Variants in ASIC2 observed in about 807,000 individuals in gnomAD.
The protein encoded by ASIC2 is acid-sensing ion channel 2.
A neutral mutation model predicts 57.3 loss-of-function variants in ASIC2; 25 were observed. The ratio of observed to expected loss-of-function variants is 0.44; its 90% CI spans 0.32 to 0.61. ASIC2 has a LOEUF of 0.61. Among genes scored for constraint, ASIC2 ranks in the 20% least tolerant of loss-of-function variants. The probability of loss-of-function intolerance (pLI) is 0.06; values close to 1 mark genes in which losing one functional copy is unlikely to be tolerated. For missense variants in ASIC2, 641 were observed against 738.1 expected (o/e 0.87, Z 1.52); for synonymous variants, 319 against 307.5 (o/e 1.04, Z -0.39).
intron 1 of ASIC2, among the ~76,000 whole-genome samples, chr17:33,385,294 C>G (rs1346830665): frequency 1.3e-5 from 2 of 152,128 alleles, no homozygotes; most frequent in African/African-American, 2.4e-5. Flanking sequence ...CCCTCCCCAG[C>G]CCCTGAGCCC....
chr17:33,546,558 T>G lies in ASIC2; in HGVS notation c.556-434491A>C, dbSNP rs185319310. Among the ~76,000 whole-genome samples the G allele has an allele frequency of 3.3e-5, 5 of 152,272 alleles. No homozygotes were observed. In the East Asian group the frequency reaches 9.7e-4, roughly 29 times the overall value. On this transcript the variant is annotated intron_variant, in intron 1 of 9. Coordinates refer to the ASIC2 transcript ENST00000359872. ...CCTATGCGACCTTGGGCACATAATG[T>G]AACCTCCTTGACTTGTGTTTCCTGA...
chr17:33,863,442 T>C (rs1914146742), intron 1 of ASIC2, among the ~76,000 whole-genome samples: 1 of 152,210 alleles, frequency 6.6e-6, no homozygotes, highest in Non-Finnish European at 1.5e-5. Flanking sequence ...TGGGGAGCAC[T>C]GGACAGAAAA....
intron 1 of ASIC2, among the ~76,000 whole-genome samples, chr17:34,014,970 G>A (rs150823359): frequency 8.0e-5 from 12 of 149,368 alleles, no homozygotes; most frequent in African/African-American, 1.7e-4. Flanking sequence ...CTGAATCCTC[G>A]ACCTCACAGG....
rs537242482 is a variant in ASIC2, at chr17:34,121,431, A to G, written c.555+34547T>C. 2.0e-5 allele frequency among the ~76,000 whole-genome samples: 3 copies of G among 152,132 alleles called. No homozygotes were observed. In the South Asian group the frequency reaches 6.2e-4, roughly 32 times the overall value. ...GTATTACCCCTCCCTCGTCTCTCCCATCTGCCTTCTCTGACCCATTTCCAC... is the reference window on the plus strand; with the variant it reads ...GTATTACCCCTCCCTCGTCTCTCCCGTCTGCCTTCTCTGACCCATTTCCAC... On this transcript the variant is annotated intron_variant, in intron 1 of 9. Coordinates refer to the ASIC2 transcript ENST00000359872.
intron 1 of ASIC2, among the ~76,000 whole-genome samples, chr17:33,616,445 G>A (rs1905607340): frequency 6.6e-6 from 1 of 152,206 alleles, no homozygotes; most frequent in Admixed American, 6.5e-5. Context: ...GAATCTTGGA[G>A]CCAAACCTCT....
intron 1 of ASIC2, among the ~76,000 whole-genome samples, chr17:33,474,962 G>A (rs968701428): frequency 6.6e-6 from 1 of 152,150 alleles, no homozygotes; most frequent in African/African-American, 2.4e-5. Flanking sequence ...GGCTGGAGTT[G>A]ATCGTCCTGC....
intron 1 of ASIC2, among the ~76,000 whole-genome samples, chr17:33,485,801 T>C (rs1913557720): frequency 6.6e-6 from 1 of 152,208 alleles, no homozygotes; most frequent in Non-Finnish European, 1.5e-5. Context: ...GTGTGAAATG[T>C]CTGACCCAGA....
At chr17:33,703,373 G>A (rs1345806599) in intron 1 of ASIC2, among the ~76,000 whole-genome samples, 2 of 151,072 alleles carry the variant, frequency 1.3e-5, no homozygotes, top group Non-Finnish European at 2.9e-5. Flanking sequence ...GTTGAGACAA[G>A]GTCTGGCTCT....
intron 1 of ASIC2, among the ~76,000 whole-genome samples, chr17:33,315,965 A>G (rs913549372): frequency 6.6e-6 from 1 of 152,154 alleles, no homozygotes; most frequent in Non-Finnish European, 1.5e-5. Context: ...GCAACATGGA[A>G]CTGATAATAG....
intron 1 of ASIC2, among the ~76,000 whole-genome samples, chr17:33,931,597 C>T (rs906659646): frequency 2.0e-5 from 3 of 152,218 alleles, no homozygotes; most frequent in Admixed American, 6.5e-5. Flanking sequence ...TTTAGCAAAG[C>T]ACAGCGCTTC....
chr17:33,828,282 A>G (rs915512956), intron 1 of ASIC2: 3 of 152,194 alleles, frequency 2.0e-5, no homozygotes, highest in African/African-American at 7.2e-5. Context: ...TCATTTACAT[A>G]TAGTGCTCTG....
chr17:33,719,319 C>T (rs1909315507), intron 1 of ASIC2, among the ~76,000 whole-genome samples: 1 of 152,090 alleles, frequency 6.6e-6, no homozygotes, highest in South Asian at 2.1e-4. Flanking sequence ...GCCTGGTGAG[C>T]CAGGACCCAG....
chr17:34,140,263 G>A (rs1297613493), intron 1 of ASIC2, among the ~76,000 whole-genome samples: 2 of 152,170 alleles, frequency 1.3e-5, no homozygotes, highest in African/African-American at 4.8e-5. Flanking sequence ...ACACGACACA[G>A]GTTTCCTACT....
At chr17:33,450,838 G>A (rs1313485677) in intron 1 of ASIC2, among the ~76,000 whole-genome samples, 1 of 152,092 alleles carries the variant, frequency 6.6e-6, no homozygotes, top group Non-Finnish European at 1.5e-5. Context: ...AATCTCATCA[G>A]CTTTCACAGT....
Position 33,562,998 on chromosome 17 carries a change from G to A in ASIC2, c.556-450931C>T, listed in dbSNP as rs183104685. Among the ~76,000 whole-genome samples the A allele has an allele frequency of 4.7e-3, 715 of 152,316 alleles. 3 individuals carry two copies. Among genetic ancestry groups the A allele is most frequent in the Middle Eastern group, 0.034 (10 of 294 alleles). On this transcript the variant is annotated intron_variant, in intron 1 of 9. Coordinates refer to the ASIC2 transcript ENST00000359872. Reference sequence around the variant, plus strand: ...CACAGGAGAACCACAGGATTCATGGGCTTAGGCTAGTGGGCTCTAGGAGGA... The same window carrying A: ...CACAGGAGAACCACAGGATTCATGGACTTAGGCTAGTGGGCTCTAGGAGGA...
chr17:33,110,474 T>C (rs57291011), intron 2 of ASIC2, among the ~76,000 whole-genome samples: 28,738 of 152,170 alleles, frequency 0.19, 2,847 homozygotes, highest in Non-Finnish European at 0.21. Context: ...AGAGAGTGGC[T>C]GATGGGGCTC....
chr17:33,497,789 T>C (rs1183159664), intron 1 of ASIC2, among the ~76,000 whole-genome samples: 2 of 152,184 alleles, frequency 1.3e-5, no homozygotes, highest in Non-Finnish European at 2.9e-5. Context: ...AGAGGTTAAG[T>C]CACTTGCCTA....
chr17:33,928,043 G>A (rs1404198933), intron 1 of ASIC2, among the ~76,000 whole-genome samples: 1 of 152,130 alleles, frequency 6.6e-6, no homozygotes, highest in South Asian at 2.1e-4. Context: ...ACAGTAGGAG[G>A]CACCAAAGGT....
chr17:33,469,306 G>A (rs1481589717), intron 1 of ASIC2, among the ~76,000 whole-genome samples: 2 of 152,152 alleles, frequency 1.3e-5, no homozygotes, highest in African/African-American at 4.8e-5. Flanking sequence ...TTCAGGGCAG[G>A]GAGCCAGGCC....
Sources: gnomAD v4.1 joint callset for allele counts (sites outside exome capture counted in the v4.1 genomes callset) on GRCh38, gnomAD v4.1.1 for gene constraint, MANE v1.5 for transcripts, NCBI Gene and HGNC (gene_info 2026-07-23, HGNC 2026-07-21) for gene names.